Variants in BCKDHB observed in about 807,000 individuals in gnomAD.
BCKDHB encodes the protein 2-oxoisovalerate dehydrogenase subunit beta, mitochondrial.
In BCKDHB, 41 loss-of-function variants were observed where a neutral mutation model predicts 48.5. The ratio of observed to expected loss-of-function variants is 0.85; its 90% confidence interval spans 0.66 to 1.10. The LOEUF (loss-of-function observed/expected upper bound fraction) is 1.10, where lower values mean the gene tolerates loss of function less well. Among genes scored for constraint, BCKDHB ranks in the 50% least tolerant of loss-of-function variants. The pLI is 0.00. For missense variants in BCKDHB, 496 were observed against 494.2 expected, an observed-to-expected ratio of 1.00 and a Z score of -0.03; for synonymous variants, 201 against 174.8, an observed-to-expected ratio of 1.15 and a Z score of -1.18.
intron 9 of BCKDHB, among the ~76,000 whole-genome samples, chr6:80,287,101 A>G (rs1418618179): frequency 6.6e-6 from 1 of 152,170 alleles, no homozygotes; most frequent in Non-Finnish European, 1.5e-5. Flanking sequence ...CCAACTGTTA[A>G]AAACATTGTT....
At chr6:80,455,753 CA>C in the BCKDHB span, among the ~76,000 whole-genome samples, 3 of 151,938 alleles carry the variant, frequency 2.0e-5, no homozygotes, top group African/African-American at 7.3e-5. Flanking sequence ...AATGTTTTAA[CA>C]AACATTTAGC....
the BCKDHB span, among the ~76,000 whole-genome samples, chr6:80,446,555 A>G: frequency 4.6e-5 from 7 of 152,152 alleles, no homozygotes; most frequent in Non-Finnish European, 7.3e-5. Context: ...CAGCCTGCCC[A>G]GTCTCAGAAG....
intron 9 of BCKDHB, among the ~76,000 whole-genome samples, chr6:80,301,069 G>A (rs564876400): frequency 1.3e-5 from 2 of 152,004 alleles, no homozygotes; most frequent in East Asian, 3.9e-4. Flanking sequence ...GCCCTAAAAG[G>A]CTTTCATTAA....
At chr6:80,260,228 T>TGGGG (rs1554203485) in intron 8 of BCKDHB, among the ~76,000 whole-genome samples, 3 of 151,618 alleles carry the variant, frequency 2.0e-5, no homozygotes, top group Non-Finnish European at 2.9e-5. Flanking sequence ...TGTGTGTGTG[T>TGGGG]GGGGTAATAA....
the BCKDHB span, among the ~76,000 whole-genome samples, chr6:80,361,277 C>T: frequency 3.3e-5 from 5 of 152,058 alleles, no homozygotes; most frequent in Admixed American, 6.6e-5. Flanking sequence ...CATTCTAATT[C>T]GAAGTTCCCA....
At chr6:80,293,056 G>A (rs1013118759) in intron 9 of BCKDHB, among the ~76,000 whole-genome samples, 57 of 152,344 alleles carry the variant, frequency 3.7e-4, no homozygotes, top group African/African-American at 1.3e-3. Flanking sequence ...GGCATTGAGT[G>A]TCTGTGGCTT....
the BCKDHB span, among the ~76,000 whole-genome samples, chr6:80,386,152 A>T: frequency 6.6e-6 from 1 of 152,158 alleles, no homozygotes; most frequent in Non-Finnish European, 1.5e-5. Flanking sequence ...TGTGCAATAG[A>T]TTTGTGAGAG....
chr6:80,452,270 A>G, the BCKDHB span, among the ~76,000 whole-genome samples: 1 of 152,234 alleles, frequency 6.6e-6, no homozygotes, highest in African/African-American at 2.4e-5. Context: ...TTCCAATAGG[A>G]GGCCCTGCAA....
At chr6:80,163,226 G>C (rs534670138) in intron 3 of BCKDHB, among the ~76,000 whole-genome samples, 1 of 151,522 alleles carries the variant, frequency 6.6e-6, no homozygotes, top group Admixed American at 6.6e-5. Flanking sequence ...TTATAGCACC[G>C]TTTCTCCATA....
intron 9 of BCKDHB, among the ~76,000 whole-genome samples, chr6:80,299,617 T>G (rs1045819526): frequency 6.6e-6 from 1 of 152,162 alleles, no homozygotes; most frequent in Admixed American, 6.5e-5. Context: ...AAACTAAGCT[T>G]TATAAGTGAA....
chr6:80,215,455 A>G (rs1233540286), intron 8 of BCKDHB, among the ~76,000 whole-genome samples: 2 of 152,220 alleles, frequency 1.3e-5, no homozygotes, highest in Non-Finnish European at 2.9e-5. Flanking sequence ...TTTAAGTCCC[A>G]TGAGGGCAGG....
chr6:80,461,111 T>G, the BCKDHB span, among the ~76,000 whole-genome samples: 1 of 152,182 alleles, frequency 6.6e-6, no homozygotes, highest in Non-Finnish European at 1.5e-5. Context: ...TAAAAATCAA[T>G]TATATTCTGA....
In BCKDHB at chr6:80,106,692, G is replaced by A; in HGVS notation, c.-2G>A. On this transcript the variant is annotated 5_prime_UTR_variant, in exon 1 of 10. Coordinates refer to ENST00000320393, the MANE Select transcript of BCKDHB (RefSeq NM_183050.4). ...GCCTGAGAATCCCGGTGGTGAGCGG[G>A]GATGGCGGTTGTAGCGGCGGCTGCC... is the stretch of plus-strand genomic sequence containing the variant. The A allele has an allele frequency of 6.4e-7, 1 of 1,554,756 alleles. No homozygotes were observed. Among genetic ancestry groups the A allele is most frequent in the Non-Finnish European group, 8.7e-7 (1 of 1,149,958 alleles).
At chr6:80,307,995 A>G (rs1158165151) in intron 9 of BCKDHB, 4 of 860,396 alleles carry the variant, frequency 4.6e-6, no homozygotes, top group African/African-American at 1.8e-5. Context: ...GAATTCTACA[A>G]TCACAACTAA....
chr6:80,120,526 G>A (rs753665078), intron 1 of BCKDHB, among the ~76,000 whole-genome samples: 14 of 152,146 alleles, frequency 9.2e-5, no homozygotes, highest in Admixed American at 3.3e-4. Flanking sequence ...AGCATCTGTT[G>A]TTTCTTGACT....
intron 8 of BCKDHB, among the ~76,000 whole-genome samples, chr6:80,239,548 A>G (rs994443769): frequency 6.6e-6 from 1 of 152,166 alleles, no homozygotes. Flanking sequence ...CCCATTCTGT[A>G]GGTTGCCTAT....
In BCKDHB at chr6:80,124,866, C is replaced by A. The variant is rs550591809; in HGVS notation, c.197-2681C>A. Reference sequence around the variant, plus strand: ...GGTTTGTTGTTTCATTGAAAGAGAACAGGCAGAGTGGATTTAGCATAATTC... The same window carrying A: ...GGTTTGTTGTTTCATTGAAAGAGAAAAGGCAGAGTGGATTTAGCATAATTC... On this transcript the variant is annotated intron_variant, in intron 1 of 9. Coordinates refer to ENST00000320393, the MANE Select transcript of BCKDHB (RefSeq NM_183050.4). Among the ~76,000 whole-genome samples, 309 of 152,204 alleles carry A rather than the reference C, an allele frequency of 2.0e-3. 3 individuals carry two copies. The highest frequency in any genetic ancestry group is 7.3e-3 in the African/African-American group (305 of 41,532).
chr6:80,311,830 C>G (rs922681411), intron 9 of BCKDHB, among the ~76,000 whole-genome samples: 11 of 152,110 alleles, frequency 7.2e-5, no homozygotes, highest in African/African-American at 2.4e-4. Flanking sequence ...TTACTGTAGC[C>G]TTGTAGTATA....
the BCKDHB span, among the ~76,000 whole-genome samples, chr6:80,452,099 A>G: frequency 2.0e-5 from 3 of 152,152 alleles, no homozygotes; most frequent in Admixed American, 6.5e-5. Flanking sequence ...TGGTCACAAT[A>G]TGGTACAGTC....
Sources: allele counts gnomAD v4.1 joint callset (sites outside exome capture counted in the v4.1 genomes callset), GRCh38; gene constraint gnomAD v4.1.1; transcripts MANE v1.5; gene names NCBI Gene and HGNC (gene_info 2026-07-23, HGNC 2026-07-21).